Variants in SETD3 observed in about 807,000 individuals in gnomAD.
SETD3 encodes the protein SET domain containing 3, actin N3(tau)-histidine methyltransferase, also known as actin-histidine N-methyltransferase.
In SETD3, 19 loss-of-function variants were observed where a neutral mutation model predicts 63.0. The ratio of observed to expected loss-of-function variants is 0.30; its 90% CI spans 0.21 to 0.44. The LOEUF (loss-of-function observed/expected upper bound fraction) is 0.44. Among genes scored for constraint, SETD3 ranks in the 20% least tolerant of loss-of-function variants. The pLI, the probability that SETD3 is intolerant of heterozygous loss-of-function variation, is 1.00. For synonymous variants in SETD3, 286 were observed against 264.1 expected, an observed-to-expected ratio of 1.08 and a Z score of -0.80; for missense variants, 587 against 728.5, an observed-to-expected ratio of 0.81 and a Z score of 2.24.
At chr14:99,469,419 C>G (rs1183936110) in intron 1 of SETD3, among the ~76,000 whole-genome samples, 2 of 152,220 alleles carry the variant, frequency 1.3e-5, no homozygotes, top group Non-Finnish European at 2.9e-5. Context: ...ACAATGTCAA[C>G]AGTCAGCCTT....
Position 99,413,083 on chromosome 14 carries a change from G to A in SETD3, c.735-18C>T, listed in dbSNP as rs368900358. On this transcript the variant is annotated intron_variant, in intron 7 of 12. Coordinates refer to ENST00000331768, the MANE Select transcript of SETD3 (RefSeq NM_032233.3). ...CTGCCCACCTATAACAAGATAAATG[G>A]TGACTTAAGGTTGGAACATTTAAAA... is the stretch of plus-strand genomic sequence containing the variant. 3 of 1,457,150 alleles carry A rather than the reference G, an allele frequency of 2.1e-6. No homozygotes were observed. Among genetic ancestry groups the A allele is most frequent in the African/African-American group, 2.8e-5 (2 of 71,414 alleles). 90.3% of individuals were successfully genotyped at this position (1,457,150 alleles called of 1,614,324 possible). A position where few individuals can be genotyped will look rare whatever the true frequency, so the allele number is the denominator to read the frequency against.
At chr14:99,431,376 C>A (rs1043847195) in intron 6 of SETD3, among the ~76,000 whole-genome samples, 1 of 152,192 alleles carries the variant, frequency 6.6e-6, no homozygotes, top group Non-Finnish European at 1.5e-5. Flanking sequence ...GTGACTCAAA[C>A]GCAGGAGTTC....
intron 1 of SETD3, among the ~76,000 whole-genome samples, chr14:99,475,426 G>A (rs1445181381): frequency 6.6e-6 from 1 of 152,210 alleles, no homozygotes; most frequent in African/African-American, 2.4e-5. Flanking sequence ...AAGAGAAAAA[G>A]GCAGCTCCAA....
At chr14:99,441,929 G>A (rs975010913) in intron 6 of SETD3, among the ~76,000 whole-genome samples, 12 of 152,240 alleles carry the variant, frequency 7.9e-5, no homozygotes, top group Admixed American at 1.3e-4. Context: ...AGGACTGGGT[G>A]ATGGAGTCGT....
At chr14:99,434,958 T>TC (rs1296095764) in intron 6 of SETD3, among the ~76,000 whole-genome samples, 1 of 147,694 alleles carries the variant, frequency 6.8e-6, no homozygotes, top group Non-Finnish European at 1.5e-5. Flanking sequence ...GACAGAAAAC[T>TC]CCCCAAACTG....
Position 99,413,897 on chromosome 14 carries a change from G to C in SETD3, c.713C>G (p.Ser238Cys), listed in dbSNP as rs1466394837. The C allele has an allele frequency of 1.2e-6, 2 of 1,614,160 alleles. No individual in the cohort carries two copies. Among genetic ancestry groups the C allele is most frequent in the South Asian group, 1.1e-5 (1 of 91,084 alleles). Residue 238 changes from serine (S) to cysteine (C), a missense_variant, in exon 7 of 13, where the codon TCT becomes TGT. Ser to Cys is a moderately radical substitution (Grantham distance 112, BLOSUM62 -1). Coordinates refer to ENST00000331768, the MANE Select transcript of SETD3 (RefSeq NM_032233.3). The stretch of plus-strand genomic sequence containing the variant: ...CAACCTGTAGTCCTCGTAAGTGAAA[G>C]AATCCTTCAAGGGTAGTTTGTTGGC... ...PHANKLPLKDSFTYEDYRWAV... is the reference protein window; with the variant it reads ...PHANKLPLKDCFTYEDYRWAV...
chr14:99,443,109 G>A (rs1470084221), intron 6 of SETD3, among the ~76,000 whole-genome samples: 4 of 152,150 alleles, frequency 2.6e-5, no homozygotes, highest in Non-Finnish European at 4.4e-5. Flanking sequence ...GAAGCTGGAC[G>A]TGAACACATT....
At chr14:99,406,626 CA>C in intron 8 of SETD3, 36 bp from the exon 9 acceptor site, 1 of 1,569,710 alleles carries the variant, frequency 6.4e-7, no homozygotes, top group Non-Finnish European at 8.8e-7. Flanking sequence ...GATGGTGAGG[CA>C]AACACACGCA....
chr14:99,483,231 A>T (rs1896399689), upstream of SETD3, among the ~76,000 whole-genome samples: 1 of 152,110 alleles, frequency 6.6e-6, no homozygotes, highest in South Asian at 2.1e-4. Flanking sequence ...TGATTCCCTG[A>T]AGCCAGCAGA....
At chr14:99,413,450 AC>A (rs1892117317) in intron 7 of SETD3, among the ~76,000 whole-genome samples, 2 of 151,750 alleles carry the variant, frequency 1.3e-5, no homozygotes. Context: ...AAACCATAAA[AC>A]TCCTTTCTGA....
In SETD3 at chr14:99,399,095, G is replaced by T; in HGVS notation, c.1369C>A (p.Leu457Ile). The change falls in exon 13 of 13, where the codon CTT (leucine) becomes ATT (isoleucine). Residue 457 changes from leucine (L) to isoleucine (I), a missense_variant. Physicochemically the swap from Leu to Ile is conservative, Grantham distance 5. Transcript: ENST00000331768. ...EDKSVLKNHD[L>I]SVRAKMAIKL... ...ATGGCCATTTTTGCACGAACAGAAA[G>T]ATCGTGGTTTTTCAAGACGGATTTA... 1 of 1,613,806 alleles carries T rather than the reference G, an allele frequency of 6.2e-7. No homozygotes were observed. The highest frequency in any genetic ancestry group is 8.5e-7 in the Non-Finnish European group (1 of 1,179,808).
At chr14:99,452,145 C>T (rs191366891) in intron 6 of SETD3, among the ~76,000 whole-genome samples, 15 of 152,280 alleles carry the variant, frequency 9.9e-5, no homozygotes, top group African/African-American at 3.6e-4. Context: ...CTTGCTCTGT[C>T]GCCCAGGCTA....
Position 99,468,000 on chromosome 14 carries a change from G to A in SETD3, c.-8-2187C>T, listed in dbSNP as rs74932701. ...CAGAGCTCTTCATTTGATCTTCCTC[G>A]CACTTTAAGCAGTAGATACCATCCT... On this transcript the variant is annotated intron_variant, in intron 1 of 12. Transcript: ENST00000331768. Among the ~76,000 whole-genome samples the A allele has an allele frequency of 5.8e-3, 885 of 151,996 alleles. 6 individuals are homozygous for A. The highest frequency in any genetic ancestry group is 0.02 in the African/African-American group (844 of 41,408).
At chr14:99,426,064 T>A (rs968091723) in intron 6 of SETD3, among the ~76,000 whole-genome samples, 1 of 152,046 alleles carries the variant, frequency 6.6e-6, no homozygotes, top group Non-Finnish European at 1.5e-5. Context: ...CCCCCAAACA[T>A]ACACATTTTC....
At chr14:99,410,107 G>T (rs1046358979) in intron 8 of SETD3, 1 of 1,141,080 alleles carries the variant, frequency 8.8e-7, no homozygotes, top group South Asian at 1.3e-5. Context: ...CACATAGGGT[G>T]CTCAGGGCAG....
At chr14:99,455,276 G>A (rs1241523640) in intron 6 of SETD3, among the ~76,000 whole-genome samples, 1 of 152,162 alleles carries the variant, frequency 6.6e-6, no homozygotes, top group East Asian at 1.9e-4. Flanking sequence ...AGCTAACACG[G>A]AGAACTGACC....
intron 1 of SETD3, among the ~76,000 whole-genome samples, chr14:99,477,678 G>A (rs974563087): frequency 6.8e-6 from 1 of 147,256 alleles, no homozygotes; most frequent in Non-Finnish European, 1.5e-5. Context: ...AACCCAGGAA[G>A]CAGAGGTTGC....
intron 1 of SETD3, among the ~76,000 whole-genome samples, chr14:99,468,585 A>G (rs1895525294): frequency 6.6e-6 from 1 of 152,132 alleles, no homozygotes; most frequent in Non-Finnish European, 1.5e-5. Flanking sequence ...CCCTCCCAGC[A>G]ACACCAAGGG....
At position 99,418,517 on chromosome 14, in the gene SETD3, T is replaced by C. The variant is rs185314333; in HGVS notation, c.676-4583A>G. On this transcript the variant is annotated intron_variant, in intron 6 of 12. Transcript: ENST00000331768. ...GATGCAATTTTGCAAGTTTCAGAAA[T>C]GTGACCCTATCTCACATAACCAAGA... Among the ~76,000 whole-genome samples the C allele has an allele frequency of 1.9e-3, 294 of 152,262 alleles. 1 individual carries two copies. Among genetic ancestry groups the C allele is most frequent in the African/African-American group, 6.8e-3 (284 of 41,560 alleles).
Sources: allele counts gnomAD v4.1 joint callset (sites outside exome capture counted in the v4.1 genomes callset), GRCh38; gene constraint gnomAD v4.1.1; transcripts MANE v1.5; gene names NCBI Gene and HGNC (gene_info 2026-07-23, HGNC 2026-07-21).